E2F4: variants seen among roughly 807,000 people sequenced by gnomAD.
E2F4 encodes the protein E2F transcription factor 4.
In E2F4, 16 loss-of-function variants were observed where a neutral mutation model predicts 44.5. The observed-to-expected ratio is 0.36, with a 90% CI of 0.24 to 0.55. The LOEUF is 0.55. E2F4 is among the 20% of genes least tolerant of loss of function. The pLI is 0.87. For synonymous variants in E2F4, 242 were observed against 207.2 expected, an observed-to-expected ratio of 1.17 and a Z score of -1.44; for missense variants, 473 against 522.1, an observed-to-expected ratio of 0.91 and a Z score of 0.92.
At chr16:67,194,040 G>T in intron 4 of E2F4, 1 of 276,738 alleles carries the variant, frequency 3.6e-6, no homozygotes, top group African/African-American at 2.2e-5. Context: ...GTGAGCCACT[G>T]TGCCCCGCTG....
rs1437492622 is a variant in E2F4 at position 67,192,507 on chromosome 16, T to G, written c.135+145T>G. The G allele has an allele frequency of 8.2e-6, 10 of 1,222,750 alleles. No homozygotes were observed. The East Asian group carries it at 1.9e-4, about 24-fold the overall frequency. 75.7% of individuals were successfully genotyped at this position (1,222,750 alleles called of 1,614,324 possible). ...TCACAGGAGAGAAGCCGGGGGATGT[T>G]TCATTCATTCGGCCGAGGCCATCGA... On this transcript the variant is annotated intron_variant, in intron 1 of 9. Coordinates refer to ENST00000379378, the MANE Select transcript of E2F4 (RefSeq NM_001950.4).
rs1394678743 is a variant in E2F4, at chr16:67,196,047, C to T, written c.1033+41C>T. 2.5e-6 allele frequency: 4 copies of T among 1,611,496 alleles called. No homozygotes were observed. The Admixed American group carries it at 6.7e-5, about 27-fold the overall frequency. ...CTGGGGGCAGAGAGAGAGAGTCTAG[C>T]CTCAGTCCAGTCCTAGGTCAGAAAA... On this transcript the variant is annotated intron_variant, in intron 7 of 9. Coordinates refer to ENST00000379378, the MANE Select transcript of E2F4 (RefSeq NM_001950.4).
intron 7 of E2F4, 55 bp downstream of exon 7, chr16:67,196,061 T>TG: frequency 6.2e-7 from 1 of 1,605,726 alleles, no homozygotes; most frequent in Non-Finnish European, 8.5e-7. Context: ...AGTCCAGTCC[T>TG]AGGTCAGAAA....
intron 4 of E2F4, 130 bp downstream of exon 4, chr16:67,193,645 G>A (rs1439151776): frequency 1.0e-6 from 1 of 991,468 alleles, no homozygotes; most frequent in African/African-American, 1.6e-5. Context: ...GAGGAACCAG[G>A]CAGGGTAAGT....
At chr16:67,193,410 T>G in intron 3 of E2F4, 62 bp from the exon 4 acceptor site, 2 of 1,600,242 alleles carry the variant, frequency 1.2e-6, no homozygotes, top group Non-Finnish European at 1.7e-6. Flanking sequence ...AAGAATTGGG[T>G]CTTTTCTGTA....
At position 67,198,470 on chromosome 16, in the gene E2F4, CAGTGTCTTGCTT is replaced by C. The variant is rs2033013789; in HGVS notation, c.*348_*359del. 1 of 273,460 alleles carries C rather than the reference CAGTGTCTTGCTT, an allele frequency of 3.7e-6. No homozygotes were observed. The highest frequency in any genetic ancestry group is 7.1e-6 in the Non-Finnish European group (1 of 140,676). The allele number at this position is 273,460 out of a possible 1,614,324, so 16.9% of individuals were successfully genotyped here. On this transcript the variant is annotated 3_prime_UTR_variant, in exon 10 of 10. Transcript: ENST00000379378. ...GGCAGTGTCTTGTTCCTGCCAGCCT[CAGTGTCTTGCTT>C]CTGCCAGCTCCTTCCCCTAGGAGGG...
At position 67,198,382 on chromosome 16, in the gene E2F4, A is replaced by C; in HGVS notation, c.*259A>C. On this transcript the variant is annotated 3_prime_UTR_variant, in exon 10 of 10. Transcript: ENST00000379378. ...CTTCTCCCTTTCTGCGGCCTTCGCC[A>C]GCCCAGGCTCGGCTGCCACCCAGTG... 1 of 477,854 alleles carries C rather than the reference A, an allele frequency of 2.1e-6. No individual in the cohort carries two copies. Among genetic ancestry groups the C allele is most frequent in the Non-Finnish European group, 3.8e-6 (1 of 261,192 alleles). The allele number at this position is 477,854 out of a possible 1,614,324, so 29.6% of individuals were successfully genotyped here.
chr16:67,195,693 T>C, intron 6 of E2F4, 89 bp from the exon 7 acceptor site: 1 of 1,579,532 alleles, frequency 6.3e-7, no homozygotes, highest in African/African-American at 1.3e-5. Context: ...ACCAGGCTTG[T>C]GGTCCTCCTG....
chr16:67,196,459 C>T (rs951655866), intron 7 of E2F4, among the ~76,000 whole-genome samples: 2 of 152,196 alleles, frequency 1.3e-5, no homozygotes, highest in African/African-American at 2.4e-5. Flanking sequence ...TGCTGGTGCT[C>T]TCTTGGTCTG....
Position 67,197,915 on chromosome 16 carries a change from G to A in E2F4, c.1126+4G>A, listed in dbSNP as rs749331339. The A allele has an allele frequency of 3.1e-6, 5 of 1,614,118 alleles. No individual in the cohort carries two copies. Among genetic ancestry groups the A allele is most frequent in the Non-Finnish European group, 3.4e-6 (4 of 1,180,006 alleles). On this transcript the variant is annotated splice_donor_region_variant and intron_variant, in intron 9 of 9. Transcript: ENST00000379378. ...GAGGAGTTGATGTCCTCAGAAGGTG[G>A]GTGGCCCTGGAAGGTGGGAGTGGGT...
At chr16:67,197,962 G>T in intron 9 of E2F4, 46 bp from the exon 10 acceptor site, 1 of 1,613,976 alleles carries the variant, frequency 6.2e-7, no homozygotes, top group Non-Finnish European at 8.5e-7. Context: ...TTGGGCTGCT[G>T]CTAGGGGAGC....
intron 8 of E2F4, 59 bp downstream of exon 8, chr16:67,197,705 A>G (rs1597277268): frequency 3.1e-6 from 5 of 1,602,780 alleles, no homozygotes; most frequent in East Asian, 4.5e-5. Context: ...ATTGGGTCCT[A>G]TGGCTGTTTT....
In E2F4 at chr16:67,198,197, C is replaced by A. The variant is rs913423529; in HGVS notation, c.*74C>A. On this transcript the variant is annotated 3_prime_UTR_variant, in exon 10 of 10. Transcript: ENST00000379378. Reference sequence around the variant, plus strand: ...GGGGTTGCCTGGGGACCTCTCCCACCCGACCCCTACAGAGCTTGAGAGCCA... The same window carrying A: ...GGGGTTGCCTGGGGACCTCTCCCACACGACCCCTACAGAGCTTGAGAGCCA... 7.4e-7 allele frequency: 1 copy of A among 1,343,036 alleles called. No individual in the cohort carries two copies. Among genetic ancestry groups the A allele is most frequent in the Non-Finnish European group, 1.1e-6 (1 of 944,174 alleles). 83.2% of individuals were successfully genotyped at this position (1,343,036 alleles called of 1,614,324 possible).
chr16:67,192,965 C>T (rs367781358), intron 2 of E2F4, 44 bp from the exon 3 acceptor site: 4 of 1,559,368 alleles, frequency 2.6e-6, no homozygotes, highest in African/African-American at 1.4e-5. Flanking sequence ...CCATGGGACC[C>T]AGAGTTCTCA....
In E2F4 at chr16:67,195,926, G is replaced by GCAGCAGCAGCAGCAGCAA; in HGVS notation, c.958_959insGCAGCAGCAGCAACAGCA (p.Ser319_Asn320insSerSerSerSerAsnSer). On this transcript the variant is annotated inframe_insertion, in exon 7 of 10. Coordinates refer to ENST00000379378, the MANE Select transcript of E2F4 (RefSeq NM_001950.4). Reference sequence around the variant, plus strand: ...AGCAGCAGCAGCAGCAGCAGCAGCAGCAGCAACAGTAACAGCAGCAGTTCG... The same window carrying GCAGCAGCAGCAGCAGCAA: ...AGCAGCAGCAGCAGCAGCAGCAGCAGCAGCAGCAGCAGCAGCAACAGCAACAGTAACAGCAGCAGTTCG... The GCAGCAGCAGCAGCAGCAA allele has an allele frequency of 6.2e-7, 1 of 1,612,016 alleles. No individual in the cohort carries two copies. Among genetic ancestry groups the GCAGCAGCAGCAGCAGCAA allele is most frequent in the Admixed American group, 1.7e-5 (1 of 59,982 alleles).
At chr16:67,196,875 C>T (rs2032977941) in intron 7 of E2F4, among the ~76,000 whole-genome samples, 1 of 152,162 alleles carries the variant, frequency 6.6e-6, no homozygotes, top group Non-Finnish European at 1.5e-5. Flanking sequence ...CACCCCATGC[C>T]AGCTAACTGA....
At position 67,193,464 on chromosome 16, in the gene E2F4, C is replaced by T. The variant is rs1369805340; in HGVS notation, c.408-8C>T. On this transcript the variant is annotated splice_polypyrimidine_tract_variant and splice_region_variant and intron_variant, in intron 3 of 9. Transcript: ENST00000379378. ...TAGGGCATCAGCCATTCTCCTTAAC[C>T]CTCACACTTTGGCCTACGTCACTCA... 1 of 1,614,200 alleles carries T rather than the reference C, an allele frequency of 6.2e-7. No homozygotes were observed. The highest frequency in any genetic ancestry group is 8.5e-7 in the Non-Finnish European group (1 of 1,180,040).
chr16:67,196,094 G>C lies in E2F4; in HGVS notation c.1033+88G>C, dbSNP rs1337088331. Reference sequence around the variant, plus strand: ...AAAACAGAATTGGGGATGGAACCCAGATCTCCTGTCAACCCTGCTGGACAC... The same window carrying C: ...AAAACAGAATTGGGGATGGAACCCACATCTCCTGTCAACCCTGCTGGACAC... On this transcript the variant is annotated intron_variant, in intron 7 of 9. Coordinates refer to ENST00000379378, the MANE Select transcript of E2F4 (RefSeq NM_001950.4). The C allele has an allele frequency of 4.4e-6, 7 of 1,575,848 alleles. No individual in the cohort carries two copies. In the South Asian group the frequency reaches 5.7e-5, roughly 13 times the overall value.
chr16:67,194,617 C>G, intron 5 of E2F4, 69 bp from the exon 6 acceptor site: 3 of 1,580,846 alleles, frequency 1.9e-6, no homozygotes, highest in Non-Finnish European at 2.6e-6. Context: ...GGTCCTGACC[C>G]GGAGTCGGGC....
Sources: gnomAD v4.1 joint callset for allele counts (sites outside exome capture counted in the v4.1 genomes callset) on GRCh38, gnomAD v4.1.1 for gene constraint, MANE v1.5 for transcripts, NCBI Gene and HGNC (gene_info 2026-07-23, HGNC 2026-07-21) for gene names.